ST18: variants seen among roughly 807,000 people sequenced by gnomAD.
The protein encoded by ST18 is ST18 C2H2C-type zinc finger transcription factor.
In ST18, 50 loss-of-function variants were observed where a neutral mutation model predicts 110.0. The ratio of observed to expected loss-of-function variants is 0.45; its 90% CI spans 0.36 to 0.58. The LOEUF is 0.58. Ranked by LOEUF, ST18 falls within the 20% of genes least tolerant of loss-of-function variation. The pLI is 0.00. For missense variants in ST18, 1,306 were observed against 1,280.1 expected (o/e 1.02, Z -0.31); for synonymous variants, 461 against 452.4 (o/e 1.02, Z -0.24).
intron 8 of ST18, chr8:52,194,391 A>G (rs1202369133): frequency 7.2e-6 from 1 of 138,860 alleles, no homozygotes; most frequent in Non-Finnish European, 1.5e-5. Context: ...TCTCTACACT[A>G]TAATCATCTT....
chr8:52,183,551 T>A (rs1260266337), intron 8 of ST18, among the ~76,000 whole-genome samples: 1 of 152,230 alleles, frequency 6.6e-6, no homozygotes, highest in Non-Finnish European at 1.5e-5. Flanking sequence ...ACTAGCTGTG[T>A]AATCTGCAAC....
At chr8:52,252,222 T>C (rs982028447) in intron 2 of ST18, among the ~76,000 whole-genome samples, 1 of 151,968 alleles carries the variant, frequency 6.6e-6, no homozygotes, top group Non-Finnish European at 1.5e-5. Context: ...GTTATAGGAG[T>C]AAGGTTGTTA....
At chr8:52,212,588 T>C (rs898157468) in intron 7 of ST18, among the ~76,000 whole-genome samples, 1 of 152,212 alleles carries the variant, frequency 6.6e-6, no homozygotes, top group African/African-American at 2.4e-5. Context: ...GCTTCAGCCA[T>C]GTTAATATCA....
rs960691364 is a variant in ST18 at position 52,122,651 on chromosome 8, G to GT, written c.2755+3400dup. Among the ~76,000 whole-genome samples, 373 of 150,276 alleles carry GT rather than the reference G, an allele frequency of 2.5e-3. 2 individuals are homozygous for GT. Among genetic ancestry groups the GT allele is most frequent in the African/African-American group, 5.5e-3 (225 of 41,006 alleles). ...GAGCCTGCCACCACACTCAGCTAAT[G>GT]TTTTTTTTTGTATTTTTATTAGAGA... On this transcript the variant is annotated intron_variant, in intron 23 of 25. Transcript: ENST00000689386.
intron 23 of ST18, among the ~76,000 whole-genome samples, chr8:52,121,486 A>T (rs1775530616): frequency 6.6e-6 from 1 of 152,124 alleles, no homozygotes; most frequent in African/African-American, 2.4e-5. Flanking sequence ...CATCTGCCAA[A>T]CTTCTTTCCA....
chr8:52,375,929 G>A (rs996888717), intron 2 of ST18, among the ~76,000 whole-genome samples: 1 of 152,112 alleles, frequency 6.6e-6, no homozygotes, highest in Admixed American at 6.5e-5. Flanking sequence ...AGCTAGGAAG[G>A]AGCCTTGCAT....
chr8:52,370,800 G>A (rs1342429271), intron 2 of ST18, among the ~76,000 whole-genome samples: 1 of 152,074 alleles, frequency 6.6e-6, no homozygotes, highest in Non-Finnish European at 1.5e-5. Flanking sequence ...CTCTGAAGTT[G>A]CTAAGAGGTG....
At chr8:52,243,348 A>G (rs2093595512) in intron 2 of ST18, among the ~76,000 whole-genome samples, 2 of 152,206 alleles carry the variant, frequency 1.3e-5, no homozygotes, top group African/African-American at 4.8e-5. Context: ...CAACTTGTCA[A>G]GTCACTTCAT....
intron 2 of ST18, among the ~76,000 whole-genome samples, chr8:52,341,915 C>T (rs995516309): frequency 2.0e-5 from 3 of 152,148 alleles, no homozygotes; most frequent in African/African-American, 7.2e-5. Flanking sequence ...GCACCCACCT[C>T]CTTGTATTTA....
At chr8:52,202,554 A>G (rs2078379066) in intron 8 of ST18, among the ~76,000 whole-genome samples, 2 of 152,240 alleles carry the variant, frequency 1.3e-5, no homozygotes, top group Non-Finnish European at 2.9e-5. Context: ...TACAATTCAA[A>G]GTAATAAGTG....
At chr8:52,400,856 C>A (rs145024976) in intron 2 of ST18, among the ~76,000 whole-genome samples, 1 of 152,088 alleles carries the variant, frequency 6.6e-6, no homozygotes, top group Non-Finnish European at 1.5e-5. Context: ...AAGATTTACA[C>A]GCCACCACTA....
At chr8:52,197,913 A>ACAC (rs1554700394) in intron 8 of ST18, among the ~76,000 whole-genome samples, 3,563 of 151,990 alleles carry the variant, frequency 0.023, 60 homozygotes, top group Middle Eastern at 0.062. Flanking sequence ...ACACACACAC[A>ACAC]AATACAGAAC....
At chr8:52,297,288 C>T (rs988415879) in intron 2 of ST18, among the ~76,000 whole-genome samples, 1 of 152,210 alleles carries the variant, frequency 6.6e-6, no homozygotes, top group Non-Finnish European at 1.5e-5. Context: ...TTCCTCATCT[C>T]TAAAACGGGG....
chr8:52,171,848 T>C lies in ST18; in HGVS notation c.1013A>G (p.Glu338Gly). Residue 338 changes from glutamate (E) to glycine (G), a missense_variant, in exon 10 of 26, where the codon GAA (glutamate) becomes GGA (glycine). Transcript: ENST00000689386. ...GTCGATAACTTTGGTTTGCCTCCTT[T>C]CCCCTGCTAGGTGCTCCAGCAGGAA... ...DRFLLEHLAGERRQTKVIDMG... is the reference protein window; with the variant it reads ...DRFLLEHLAGGRRQTKVIDMG... 6.2e-7 allele frequency: 1 copy of C among 1,614,166 alleles called. No homozygotes were observed. Among genetic ancestry groups the C allele is most frequent in the African/African-American group, 1.3e-5 (1 of 75,048 alleles).
chr8:52,251,425 C>G (rs757017766), intron 2 of ST18, among the ~76,000 whole-genome samples: 1 of 152,034 alleles, frequency 6.6e-6, no homozygotes, highest in East Asian at 1.9e-4. Context: ...CCCATATACA[C>G]ATACACAAAA....
In ST18 at chr8:52,113,150, G is replaced by T. The variant is rs1488160699; in HGVS notation, c.*48C>A. ...ACATGAACCTCTAACAGATCCATCT[G>T]GAGTTTACTGCTGTTGGTAACTTCT... On this transcript the variant is annotated 3_prime_UTR_variant, in exon 26 of 26. Transcript: ENST00000689386. 1 of 1,607,844 alleles carries T rather than the reference G, an allele frequency of 6.2e-7. No homozygotes were observed. Among genetic ancestry groups the T allele is most frequent in the Admixed American group, 1.7e-5 (1 of 59,804 alleles).
chr8:52,309,520 C>CAAAAAAAAAAAAA (rs756214451), intron 2 of ST18, among the ~76,000 whole-genome samples: 2 of 37,762 alleles, frequency 5.3e-5, no homozygotes, highest in African/African-American at 9.6e-5. Context: ...GACTCCATCT[C>CAAAAAAAAAAAAA]AAAAAAAAAA....
chr8:52,137,450 G>A lies in ST18; in HGVS notation c.2202C>T (p.His734=), dbSNP rs1185374509. ...CPTPGCDGSG[H]VTGNYASHRS... is the part of the protein sequence containing the mutation. Reference sequence around the variant, plus strand: ...GATGAGATGCATAGTTTCCTGTCACGTGGCCACTTCCATCACATCCTGGTG... The same window carrying A: ...GATGAGATGCATAGTTTCCTGTCACATGGCCACTTCCATCACATCCTGGTG... The change falls in exon 18 of 26, where the codon CAC becomes CAT. Residue 734 remains histidine (H), a synonymous_variant. Transcript: ENST00000689386. The A allele has an allele frequency of 8.7e-6, 14 of 1,613,958 alleles. No homozygotes were observed. Among genetic ancestry groups the A allele is most frequent in the East Asian group, 4.5e-5 (2 of 44,874 alleles).
intron 2 of ST18, chr8:52,249,336 C>T (rs924431783): frequency 1.3e-5 from 2 of 152,378 alleles, no homozygotes; most frequent in Non-Finnish European, 2.9e-5. Flanking sequence ...CTCCCTAGGG[C>T]TTAATTGCCA....
Sources: gnomAD v4.1 joint callset for allele counts (sites outside exome capture counted in the v4.1 genomes callset) on GRCh38, gnomAD v4.1.1 for gene constraint, MANE v1.5 for transcripts, NCBI Gene and HGNC (gene_info 2026-07-23, HGNC 2026-07-21) for gene names.